The following SCAPER variants were observed in gnomAD, a reference collection of about 807,000 sequenced individuals.
The protein encoded by SCAPER is S-phase cyclin A associated protein in the ER.
In SCAPER, 98 loss-of-function variants were observed where a neutral mutation model predicts 182.2. The ratio of observed to expected loss-of-function variants is 0.54; its 90% CI spans 0.46 to 0.64. The LOEUF (loss-of-function observed/expected upper bound fraction) is 0.64. SCAPER is among the 30% of genes least tolerant of loss of function. SCAPER has a pLI of 0.00. For missense variants in SCAPER, 1,432 were observed against 1,690.0 expected, an observed-to-expected ratio of 0.85 and a Z score of 2.68; for synonymous variants, 605 against 564.6, an observed-to-expected ratio of 1.07 and a Z score of -1.01.
chr15:76,361,767 TATTA>T, intron 29 of SCAPER, among the ~76,000 whole-genome samples: 1 of 152,248 alleles, frequency 6.6e-6, no homozygotes. Flanking sequence ...TAAAATATCT[TATTA>T]ATTATAACCA....
intron 15 of SCAPER, among the ~76,000 whole-genome samples, 197 bp from the exon 16 acceptor site, chr15:76,733,581 T>A (rs1183537942): frequency 6.6e-6 from 1 of 150,514 alleles, no homozygotes; most frequent in Non-Finnish European, 1.5e-5. Flanking sequence ...AAACCCCATC[T>A]CTACTAAAAA....
chr15:76,844,925 G>A (rs1448842567), intron 4 of SCAPER, among the ~76,000 whole-genome samples: 1 of 151,728 alleles, frequency 6.6e-6, no homozygotes, highest in East Asian at 1.9e-4. Context: ...CAAAAATACA[G>A]GCCACTATCT....
At chr15:76,782,352 A>G (rs1440646617) in intron 8 of SCAPER, among the ~76,000 whole-genome samples, 1 of 152,218 alleles carries the variant, frequency 6.6e-6, no homozygotes, top group East Asian at 1.9e-4. Flanking sequence ...CTAAATATAT[A>G]TGCACCCAAT....
At chr15:76,620,669 A>G (rs767560093) in intron 22 of SCAPER, among the ~76,000 whole-genome samples, 4 of 152,224 alleles carry the variant, frequency 2.6e-5, no homozygotes, top group Non-Finnish European at 4.4e-5. Context: ...ATATTCCTCA[A>G]CTTGGGGCAC....
At chr15:76,844,167 G>C (rs2069781441) in intron 4 of SCAPER, among the ~76,000 whole-genome samples, 1 of 150,232 alleles carries the variant, frequency 6.7e-6, no homozygotes. Context: ...ACACTCAATA[G>C]ATGACAAAAC....
At chr15:76,591,344 TAC>T (rs1428598404) in intron 22 of SCAPER, among the ~76,000 whole-genome samples, 1 of 152,154 alleles carries the variant, frequency 6.6e-6, no homozygotes, top group African/African-American at 2.4e-5. Flanking sequence ...ATTACATATA[TAC>T]AATGTCATAT....
chr15:76,352,280 A>ATT (rs36061504), intron 30 of SCAPER, among the ~76,000 whole-genome samples: 23 of 149,436 alleles, frequency 1.5e-4, no homozygotes, highest in South Asian at 4.2e-4. Flanking sequence ...TGTTTTACTA[A>ATT]TTTTTTTTTT....
chr15:76,682,806 C>T (rs1284002965), intron 20 of SCAPER, among the ~76,000 whole-genome samples: 1 of 152,046 alleles, frequency 6.6e-6, no homozygotes, highest in Non-Finnish European at 1.5e-5. Flanking sequence ...TGAGCTCTGG[C>T]CCCCTAAAAT....
At chr15:76,384,386 C>A (rs2043159962) in intron 27 of SCAPER, among the ~76,000 whole-genome samples, 3 of 152,168 alleles carry the variant, frequency 2.0e-5, no homozygotes, top group African/African-American at 7.2e-5. Context: ...AATACTTAGT[C>A]TTTCTAGCAT....
At chr15:76,515,887 C>G (rs191244518) in intron 23 of SCAPER, among the ~76,000 whole-genome samples, 9 of 152,284 alleles carry the variant, frequency 5.9e-5, no homozygotes, top group Non-Finnish European at 1.0e-4. Flanking sequence ...AGAGGAGAGA[C>G]AGCCCATCAA....
chr15:76,732,271 A>G (rs2060962059), intron 16 of SCAPER, among the ~76,000 whole-genome samples: 1 of 152,186 alleles, frequency 6.6e-6, no homozygotes, highest in Non-Finnish European at 1.5e-5. Flanking sequence ...CCAGTATAAT[A>G]AAATATACAA....
At chr15:76,622,740 C>T (rs747992614) in intron 21 of SCAPER, among the ~76,000 whole-genome samples, 6 of 152,118 alleles carry the variant, frequency 3.9e-5, no homozygotes, top group Non-Finnish European at 8.8e-5. Context: ...GGAGTATGTT[C>T]CAAGCATTGT....
chr15:76,729,258 TTA>T (rs1167770352), intron 16 of SCAPER, among the ~76,000 whole-genome samples: 3 of 146,056 alleles, frequency 2.1e-5, no homozygotes, highest in East Asian at 4.0e-4. Flanking sequence ...TATATATGTT[TTA>T]TATATATATA....
intron 23 of SCAPER, among the ~76,000 whole-genome samples, chr15:76,542,011 A>G (rs1279063823): frequency 6.6e-6 from 1 of 152,230 alleles, no homozygotes; most frequent in Non-Finnish European, 1.5e-5. Flanking sequence ...AATAACTATA[A>G]GATAAAAGCT....
At chr15:76,575,187 G>A (rs2047727743) in intron 22 of SCAPER, among the ~76,000 whole-genome samples, 1 of 152,082 alleles carries the variant, frequency 6.6e-6, no homozygotes, top group Admixed American at 6.6e-5. Flanking sequence ...TTCTTTAGCT[G>A]GATTAATGAA....
chr15:76,701,463 C>T (rs1229446704), intron 20 of SCAPER, among the ~76,000 whole-genome samples: 1 of 152,130 alleles, frequency 6.6e-6, no homozygotes, highest in Non-Finnish European at 1.5e-5. Context: ...AAGAATGTGG[C>T]ATGTCATTGA....
chr15:76,802,894 C>G (rs1013783399), intron 6 of SCAPER, among the ~76,000 whole-genome samples: 1 of 152,128 alleles, frequency 6.6e-6, no homozygotes, highest in Non-Finnish European at 1.5e-5. Flanking sequence ...CTAAACTGCT[C>G]TTTTGCCTTT....
At chr15:76,621,679 T>C in intron 22 of SCAPER, 85 bp downstream of exon 22, 1 of 1,086,754 alleles carries the variant, frequency 9.2e-7, no homozygotes, top group Non-Finnish European at 1.4e-6. Context: ...AAGAACCTTA[T>C]TACAGACATA....
At chr15:76,715,709 G>A (rs539492783) in intron 17 of SCAPER, among the ~76,000 whole-genome samples, 73 of 152,136 alleles carry the variant, frequency 4.8e-4, no homozygotes, top group African/African-American at 1.7e-3. Context: ...ATCCCAAATG[G>A]CAACTGTTCA....
Sources: gnomAD v4.1 joint callset for allele counts (sites outside exome capture counted in the v4.1 genomes callset) on GRCh38, gnomAD v4.1.1 for gene constraint, MANE v1.5 for transcripts, NCBI Gene and HGNC (gene_info 2026-07-23, HGNC 2026-07-21) for gene names.